Variants in CECR2 observed in about 807,000 individuals in gnomAD.
CECR2 encodes the protein CECR2 histone acetyl-lysine reader.
A neutral mutation model predicts 154.5 loss-of-function variants in CECR2; 30 were observed. The observed-to-expected ratio is 0.19, with a 90% confidence interval of 0.15 to 0.26. The LOEUF (loss-of-function observed/expected upper bound fraction) is 0.26, where lower values mean the gene tolerates loss of function less well. CECR2 is among the 10% of genes least tolerant of loss of function. The pLI is 1.00. For synonymous variants in CECR2, 725 were observed against 683.7 expected, an observed-to-expected ratio of 1.06 and a Z score of -0.94; for missense variants, 1,743 against 1,829.3, an observed-to-expected ratio of 0.95 and a Z score of 0.86.
intron 14 of CECR2, 102 bp from the exon 15 acceptor site, chr22:17,541,736 GT>G: frequency 1.4e-6 from 2 of 1,414,148 alleles, no homozygotes; most frequent in East Asian, 4.7e-5. Flanking sequence ...TTAGTCGTCT[GT>G]TTTATTTTAG....
chr22:17,549,199 A>G lies in CECR2; in HGVS notation c.3912A>G (p.Ala1304=). The G allele has an allele frequency of 2.5e-6, 4 of 1,614,054 alleles. No individual in the cohort carries two copies. The highest frequency in any genetic ancestry group is 2.7e-5 in the African/African-American group (2 of 75,066). Residue 1304 remains alanine, a synonymous_variant, in exon 17 of 19, where the codon GCA becomes GCG. Transcript: ENST00000262608. The stretch of plus-strand genomic sequence containing the variant: ...TTTTAGACCTGGACAACCATAACGC[A>G]GCTACCAAGCGGCAGAGCTCGTTGT... ...KEFLDLDNHN[A]ATKRQSSLSA...
intron 1 of CECR2, among the ~76,000 whole-genome samples, chr22:17,382,060 T>TGTA (rs2063201293): frequency 6.6e-6 from 1 of 151,648 alleles, no homozygotes; most frequent in African/African-American, 2.4e-5. Flanking sequence ...GCTAATTTTT[T>TGTA]TTTTTTTTTT....
intron 1 of CECR2, among the ~76,000 whole-genome samples, chr22:17,474,391 G>A (rs2055175960): frequency 6.6e-6 from 1 of 152,212 alleles, no homozygotes; most frequent in African/African-American, 2.4e-5. Flanking sequence ...AGGGAGAAGA[G>A]TTGGAATATT....
chr22:17,428,230 G>A (rs2054361306), intron 1 of CECR2: 1 of 152,168 alleles, frequency 6.6e-6, no homozygotes, highest in Non-Finnish European at 1.5e-5. Flanking sequence ...CCCTTTGTCA[G>A]ATGGTTAGAT....
intron 1 of CECR2, among the ~76,000 whole-genome samples, chr22:17,381,767 G>T (rs1256815354): frequency 1.3e-5 from 2 of 152,148 alleles, no homozygotes; most frequent in African/African-American, 4.8e-5. Context: ...TATAATTGCT[G>T]TAAGAGTTCA....
At chr22:17,537,048 G>T (rs2056447715) in intron 9 of CECR2, 55 bp from the exon 10 acceptor site, 1 of 1,597,552 alleles carries the variant, frequency 6.3e-7, no homozygotes. Context: ...GAAGGAACAC[G>T]CCATGTCAGT....
In CECR2 at chr22:17,499,536, C is replaced by G; in HGVS notation, c.532C>G (p.Leu178Val). ...DPVQGKSNGELSLSRESEGQK... is the reference protein window; with the variant it reads ...DPVQGKSNGEVSLSRESEGQK... ...GGTGCAAGGAAAATCCAATGGAGAACTCTCTTTGAGCAGGTATGTTCTTCA... is the reference window on the plus strand; with the variant it reads ...GGTGCAAGGAAAATCCAATGGAGAAGTCTCTTTGAGCAGGTATGTTCTTCA... The change falls in exon 4 of 19, where the codon CTC becomes GTC. Residue 178 changes from leucine (L) to valine (V), a missense_variant. Around this residue, in one of 4 missense-constraint regions of CECR2, gnomAD observed 292 missense variants for 301.2 expected, o/e 0.97. Transcript: ENST00000262608. 6.2e-7 allele frequency: 1 copy of G among 1,610,132 alleles called. No individual in the cohort carries two copies. Among genetic ancestry groups the G allele is most frequent in the Non-Finnish European group, 8.5e-7 (1 of 1,178,016 alleles).
intron 1 of CECR2, among the ~76,000 whole-genome samples, chr22:17,383,838 T>C (rs2063229045): frequency 1.3e-5 from 2 of 151,976 alleles, no homozygotes; most frequent in South Asian, 4.2e-4. Flanking sequence ...CTAATTTTCT[T>C]TTTTTTGGAT....
Position 17,542,606 on chromosome 22 carries a change from C to A in CECR2, c.2463C>A (p.Asn821Lys). ...SRVMRPPVPP[N>K]QWTEQSGFLP... is the part of the protein sequence containing the mutation. ...TCATGAGACCACCTGTCCCCCCCAACCAGTGGACTGAACAATCAGGCTTCC... is the reference window on the plus strand; with the variant it reads ...TCATGAGACCACCTGTCCCCCCCAAACAGTGGACTGAACAATCAGGCTTCC... The change falls in exon 16 of 19, where the codon AAC becomes AAA. Residue 821 changes from asparagine (N) to lysine (K), a missense_variant. Physicochemically the swap from Asn to Lys is moderately conservative, Grantham distance 94. Around this residue, in one of 4 missense-constraint regions of CECR2, gnomAD observed 1,250 missense variants for 1,192.1 expected, o/e 1.05. Transcript: ENST00000262608. The A allele has an allele frequency of 6.2e-7, 1 of 1,614,036 alleles. No individual in the cohort carries two copies. Among genetic ancestry groups the A allele is most frequent in the Non-Finnish European group, 8.5e-7 (1 of 1,179,892 alleles).
chr22:17,455,688 A>G (rs1321614607), intron 1 of CECR2, among the ~76,000 whole-genome samples: 1 of 152,200 alleles, frequency 6.6e-6, no homozygotes, highest in South Asian at 2.1e-4. Context: ...ATCTCGGCTC[A>G]CTGCAACCTC....
chr22:17,370,228 G>A (rs2063038936), intron 1 of CECR2, among the ~76,000 whole-genome samples: 2 of 150,888 alleles, frequency 1.3e-5, no homozygotes, highest in African/African-American at 4.8e-5. Flanking sequence ...CTTCTCCGGT[G>A]GGCTGGGGCT....
In CECR2 at chr22:17,396,270, C is replaced by T. The variant is rs189521269; in HGVS notation, c.126+26361C>T. 1.5e-3 allele frequency among the ~76,000 whole-genome samples: 231 copies of T among 149,974 alleles called. 5 individuals are homozygous for T. Among genetic ancestry groups the T allele is most frequent in the Admixed American group, 0.014 (206 of 15,050 alleles). ...AAAAAAAAAAAAAAACAAGGCCAGGCGCTGTGGCTCACGCCTGTAATCCCA... is the reference window on the plus strand; with the variant it reads ...AAAAAAAAAAAAAAACAAGGCCAGGTGCTGTGGCTCACGCCTGTAATCCCA... On this transcript the variant is annotated intron_variant, in intron 1 of 18. Transcript: ENST00000262608.
chr22:17,496,883 C>T (rs1276107712), intron 2 of CECR2, among the ~76,000 whole-genome samples: 7 of 152,154 alleles, frequency 4.6e-5, no homozygotes, highest in South Asian at 2.1e-4. Flanking sequence ...CTGTGAAAAA[C>T]CCTCTTTATA....
intron 1 of CECR2, among the ~76,000 whole-genome samples, chr22:17,378,463 A>G (rs1263680399): frequency 6.7e-6 from 1 of 150,066 alleles, no homozygotes; most frequent in Middle Eastern, 3.2e-3. Flanking sequence ...CGCCTGGCTA[A>G]TTTTTTGTAT....
At chr22:17,379,338 C>G (rs1429024457) in intron 1 of CECR2, among the ~76,000 whole-genome samples, 1 of 152,140 alleles carries the variant, frequency 6.6e-6, no homozygotes, top group African/African-American at 2.4e-5. Flanking sequence ...AACTGTGAAG[C>G]TAACTGAGGC....
At chr22:17,360,132 A>T (rs1030818775) in intron 1 of CECR2, 1 of 152,258 alleles carries the variant, frequency 6.6e-6, no homozygotes, top group African/African-American at 2.4e-5. Flanking sequence ...AAATCACTGA[A>T]AAGTGGAGAA....
In CECR2 at chr22:17,542,880, C is replaced by A; in HGVS notation, c.2737C>A (p.Pro913Thr). The A allele has an allele frequency of 6.2e-7, 1 of 1,613,970 alleles. No homozygotes were observed. The change falls in exon 16 of 19, where the codon CCT becomes ACT. Residue 913 changes from proline to threonine, a missense_variant. Pro to Thr is a conservative substitution (Grantham distance 38). Around this residue, in one of 4 missense-constraint regions of CECR2, gnomAD observed 1,250 missense variants for 1,192.1 expected, o/e 1.05. Coordinates refer to ENST00000262608, the MANE Select transcript of CECR2 (RefSeq NM_001290047.2). Reference sequence around the variant, plus strand: ...CCACCAGCCTGCACACCCCCGTTTACCTGGCCCTTTTCCGCAGGTAGCTCA... The same window carrying A: ...CCACCAGCCTGCACACCCCCGTTTAACTGGCCCTTTTCCGCAGGTAGCTCA... Reference protein sequence around the residue: ...HPHQPAHPRLPGPFPQVAHPM... With the variant: ...HPHQPAHPRLTGPFPQVAHPM...
chr22:17,444,625 A>AG (rs2054632279), intron 1 of CECR2, among the ~76,000 whole-genome samples: 1 of 152,158 alleles, frequency 6.6e-6, no homozygotes, highest in African/African-American at 2.4e-5. Flanking sequence ...CCTAAAAAAA[A>AG]AAAACTTGAA....
At chr22:17,527,417 C>CACT in intron 9 of CECR2, among the ~76,000 whole-genome samples, 1 of 152,160 alleles carries the variant, frequency 6.6e-6, no homozygotes, top group African/African-American at 2.4e-5. Context: ...GAGATCATGC[C>CACT]ACTGCACTCC....
Sources: gnomAD v4.1 joint callset for allele counts (sites outside exome capture counted in the v4.1 genomes callset) on GRCh38, gnomAD v4.1.1 for gene constraint, gnomAD v4.1.1 regional missense constraint, MANE v1.5 for transcripts, NCBI Gene and HGNC (gene_info 2026-07-23, HGNC 2026-07-21) for gene names.